The following CCNY variants were observed in gnomAD, a reference collection of about 807,000 sequenced individuals.
CCNY encodes cyclin-Y.
In CCNY, 19 loss-of-function variants were observed where a neutral mutation model predicts 42.8. The observed-to-expected ratio is 0.44, with a 90% CI of 0.31 to 0.65. The LOEUF is 0.65. Ranked by LOEUF, CCNY falls within the 30% of genes least tolerant of loss-of-function variation. The pLI, the probability that CCNY is intolerant of heterozygous loss-of-function variation, is 0.07. For missense variants in CCNY, 370 were observed against 437.3 expected (o/e 0.85, Z 1.37); for synonymous variants, 165 against 162.7 (o/e 1.01, Z -0.11).
At position 35,438,149 on chromosome 10, in the gene CCNY, CTTTTTTT is replaced by C. The variant is rs375497545; in HGVS notation, c.155-45245_155-45239del. On this transcript the variant is annotated intron_variant, in intron 1 of 9. Coordinates refer to ENST00000374704, the MANE Select transcript of CCNY (RefSeq NM_145012.6). ...TCCATAAAAACATATCTTCAGAGTT[CTTTTTTT>C]TTTTTTTTTCTGAGGCAAGGCCTTT... Among the ~76,000 whole-genome samples the C allele has an allele frequency of 4.4e-5, 6 of 137,684 alleles. No individual in the cohort carries two copies. In the East Asian group the frequency reaches 1.3e-3, roughly 29 times the overall value. 90.3% of individuals were successfully genotyped at this position (137,684 alleles called of 152,430 possible).
At position 35,511,348 on chromosome 10, in the gene CCNY, C is replaced by T. The variant is rs114647506; in HGVS notation, c.265-5175C>T. On this transcript the variant is annotated intron_variant, in intron 3 of 9. Coordinates refer to ENST00000374704, the MANE Select transcript of CCNY (RefSeq NM_145012.6). Reference sequence around the variant, plus strand: ...AGCCAGAAATGACAATGGAGAGTGACTGGTGCTGTGGAGGGTGAACACGGG... The same window carrying T: ...AGCCAGAAATGACAATGGAGAGTGATTGGTGCTGTGGAGGGTGAACACGGG... Among the ~76,000 whole-genome samples, 585 of 152,184 alleles carry T rather than the reference C, an allele frequency of 3.8e-3. 1 individual carries two copies. Among genetic ancestry groups the T allele is most frequent in the African/African-American group, 0.013 (555 of 41,484 alleles).
chr10:35,553,360 G>T (rs1421230159), intron 8 of CCNY, among the ~76,000 whole-genome samples, 175 bp downstream of exon 8: 2 of 152,206 alleles, frequency 1.3e-5, no homozygotes, highest in Non-Finnish European at 2.9e-5. Flanking sequence ...ATGAAAACCT[G>T]CATTTCTCAT....
rs373219386 is a variant in CCNY at position 35,553,081 on chromosome 10, G to A, written c.642G>A (p.Arg214=). 1 of 1,614,100 alleles carries A rather than the reference G, an allele frequency of 6.2e-7. No individual in the cohort carries two copies. Among genetic ancestry groups the A allele is most frequent in the African/African-American group, 1.3e-5 (1 of 74,934 alleles). ...ATATCTGTCCGGCCAACTGGAAGCG[G>A]ATTGTTTTAGGGGCGATCCTGCTGG... ...EIDICPANWK[R]IVLGAILLAS... Residue 214 remains arginine (R), a synonymous_variant, in exon 8 of 10, where the codon CGG becomes CGA. Transcript: ENST00000374704.
At chr10:35,323,273 T>A (rs1835842455) in intron 3 of CCNY, among the ~76,000 whole-genome samples, 1 of 152,160 alleles carries the variant, frequency 6.6e-6, no homozygotes, top group African/African-American at 2.4e-5. Context: ...TACAACCCAG[T>A]AGTCTTACTC....
chr10:35,286,067 C>A (rs1835351617), intron 3 of CCNY, among the ~76,000 whole-genome samples: 1 of 152,104 alleles, frequency 6.6e-6, no homozygotes, highest in African/African-American at 2.4e-5. Context: ...CCACCTCAGT[C>A]TCTCAAAGTG....
At chr10:35,441,928 A>C (rs1838678501) in intron 1 of CCNY, among the ~76,000 whole-genome samples, 1 of 152,266 alleles carries the variant, frequency 6.6e-6, no homozygotes, top group South Asian at 2.1e-4. Context: ...TGTATGATTT[A>C]AAATGATCAT....
chr10:35,310,702 A>C (rs1835672926), intron 3 of CCNY, among the ~76,000 whole-genome samples: 4 of 152,144 alleles, frequency 2.6e-5, no homozygotes, highest in Admixed American at 2.6e-4. Flanking sequence ...TGTCTTCTCC[A>C]AGCTTTTTTG....
chr10:35,563,512 C>G (rs535837812), intron 8 of CCNY, among the ~76,000 whole-genome samples: 81 of 152,278 alleles, frequency 5.3e-4, no homozygotes, highest in African/African-American at 1.9e-3. Context: ...TGGCAGCTCC[C>G]AGGTTCACTT....
chr10:35,453,326 A>G (rs1023123700), intron 1 of CCNY, among the ~76,000 whole-genome samples: 8 of 152,194 alleles, frequency 5.3e-5, no homozygotes, highest in Non-Finnish European at 4.4e-5. Flanking sequence ...TATAAAAACT[A>G]TTGATTATTA....
chr10:35,389,539 A>G (rs552418459), intron 1 of CCNY, among the ~76,000 whole-genome samples: 1 of 150,100 alleles, frequency 6.7e-6, no homozygotes, highest in African/African-American at 2.5e-5. Flanking sequence ...TCCCGGGTTC[A>G]AGCAGTTCTT....
chr10:35,509,025 TA>T (rs771174312), intron 3 of CCNY, among the ~76,000 whole-genome samples: 39 of 152,352 alleles, frequency 2.6e-4, no homozygotes, highest in Non-Finnish European at 3.2e-4. Flanking sequence ...TCACTTAGCA[TA>T]ATGTTCTCAA....
chr10:35,382,013 T>A (rs943718434), intron 1 of CCNY, among the ~76,000 whole-genome samples: 16 of 152,212 alleles, frequency 1.1e-4, no homozygotes, highest in Non-Finnish European at 4.4e-5. Flanking sequence ...AGTTACTGAT[T>A]TTTACATAAC....
At chr10:35,532,164 C>T (rs945867796) in intron 7 of CCNY, among the ~76,000 whole-genome samples, 1 of 152,218 alleles carries the variant, frequency 6.6e-6, no homozygotes, top group East Asian at 1.9e-4. Context: ...GGCTCATCAG[C>T]GCAGCTGCAT....
At chr10:35,303,963 T>C (rs1835570958) in intron 3 of CCNY, among the ~76,000 whole-genome samples, 1 of 152,088 alleles carries the variant, frequency 6.6e-6, no homozygotes, top group Non-Finnish European at 1.5e-5. Context: ...CCACCACTCT[T>C]TATCCACCCA....
At chr10:35,411,358 C>T (rs1254538832) in intron 1 of CCNY, among the ~76,000 whole-genome samples, 1 of 151,822 alleles carries the variant, frequency 6.6e-6, no homozygotes, top group African/African-American at 2.4e-5. Context: ...ACTAAAAATA[C>T]AAAAATTAGC....
Position 35,482,911 on chromosome 10 carries a change from G to T in CCNY, c.155-493G>T, listed in dbSNP as rs115485061. Among the ~76,000 whole-genome samples, 1,066 of 152,262 alleles carry T rather than the reference G, an allele frequency of 7.0e-3. 10 individuals carry two copies. Among genetic ancestry groups the T allele is most frequent in the African/African-American group, 0.024 (1,017 of 41,532 alleles). On this transcript the variant is annotated intron_variant, in intron 1 of 9. Transcript: ENST00000374704. ...CAGATTAGGTCCACAAATGGCCGAT[G>T]TGTAGCTTTTGCTCTAAGGGACAAG...
intron 3 of CCNY, among the ~76,000 whole-genome samples, chr10:35,286,520 A>G (rs1182367820): frequency 6.6e-6 from 1 of 151,822 alleles, no homozygotes; most frequent in African/African-American, 2.4e-5. Flanking sequence ...CACCGTGCCC[A>G]GCTAATCTTT....
intron 1 of CCNY, among the ~76,000 whole-genome samples, chr10:35,439,337 T>C (rs1055724046): frequency 1.3e-5 from 2 of 152,212 alleles, no homozygotes; most frequent in Non-Finnish European, 2.9e-5. Context: ...ATTGTTAAGT[T>C]TGGGTAATTT....
chr10:35,274,691 C>T (rs564674412), intron 3 of CCNY, among the ~76,000 whole-genome samples: 6 of 152,134 alleles, frequency 3.9e-5, no homozygotes, highest in Non-Finnish European at 7.3e-5. Flanking sequence ...AGGCAGGGAG[C>T]TAACGAAGTC....
Sources: allele counts gnomAD v4.1 joint callset (sites outside exome capture counted in the v4.1 genomes callset), GRCh38; gene constraint gnomAD v4.1.1; transcripts MANE v1.5; gene names NCBI Gene and HGNC (gene_info 2026-07-23, HGNC 2026-07-21).